Variants in SDK1 observed in about 807,000 individuals in gnomAD.
The protein encoded by SDK1 is sidekick cell adhesion molecule 1.
SDK1 carries 157 observed loss-of-function variants against 245.5 expected under a neutral mutation model. That is an observed-to-expected ratio of 0.64 (90% confidence interval 0.56 to 0.73). The LOEUF (loss-of-function observed/expected upper bound fraction) is 0.73. SDK1 is among the 30% of genes least tolerant of loss of function. SDK1 has a pLI of 0.00. For missense variants in SDK1, 3,583 were observed against 3,002.3 expected, an observed-to-expected ratio of 1.19 and a Z score of -4.52; for synonymous variants, 1,647 against 1,278.5, an observed-to-expected ratio of 1.29 and a Z score of -6.15.
intron 4 of SDK1, among the ~76,000 whole-genome samples, chr7:3,645,173 C>A (rs1782790659): frequency 1.3e-5 from 2 of 152,144 alleles, no homozygotes; most frequent in African/African-American, 4.8e-5. Context: ...CAAATACATG[C>A]TAAAGCCTGT....
At chr7:3,531,084 G>C (rs1026282420) in intron 1 of SDK1, among the ~76,000 whole-genome samples, 3 of 152,148 alleles carry the variant, frequency 2.0e-5, no homozygotes, top group African/African-American at 7.2e-5. Flanking sequence ...TCATTTAAGA[G>C]TCTAACAAGA....
At chr7:3,496,044 C>A (rs941017220) in intron 1 of SDK1, among the ~76,000 whole-genome samples, 4 of 152,162 alleles carry the variant, frequency 2.6e-5, no homozygotes, top group Admixed American at 1.3e-4. Context: ...TTAAGTGATA[C>A]ACTTTTTCCC....
At chr7:4,192,831 A>G (rs897922878) in intron 35 of SDK1, among the ~76,000 whole-genome samples, 4 of 150,094 alleles carry the variant, frequency 2.7e-5, no homozygotes, top group African/African-American at 9.8e-5. Context: ...CCAAACATCC[A>G]CCTCCTCCCC....
intron 5 of SDK1, among the ~76,000 whole-genome samples, chr7:3,916,893 G>A (rs1227322090): frequency 1.3e-5 from 2 of 152,146 alleles, no homozygotes; most frequent in Non-Finnish European, 2.9e-5. Flanking sequence ...GAGGACTTTA[G>A]CTTATATAGC....
intron 30 of SDK1, among the ~76,000 whole-genome samples, chr7:4,151,366 C>A (rs574883003): frequency 6.6e-6 from 1 of 152,208 alleles, no homozygotes. Context: ...ATGGTCCCTG[C>A]GCACGGGGCT....
chr7:3,952,168 T>A (rs1780887812), intron 7 of SDK1: 1 of 510,086 alleles, frequency 2.0e-6, no homozygotes, highest in African/African-American at 2.0e-5. Flanking sequence ...GTCACAAAGC[T>A]CGGGAAATAG....
chr7:3,396,637 C>G (rs1180734397), intron 1 of SDK1, among the ~76,000 whole-genome samples: 1 of 151,492 alleles, frequency 6.6e-6, no homozygotes, highest in African/African-American at 2.4e-5. Flanking sequence ...CAATTTTTGT[C>G]TTTAAATTCA....
intron 35 of SDK1, among the ~76,000 whole-genome samples, chr7:4,180,075 G>A (rs2128219506): frequency 6.6e-6 from 1 of 152,238 alleles, no homozygotes; most frequent in Middle Eastern, 3.4e-3. Flanking sequence ...AAGCGGTAGG[G>A]AAGCCAGGGG....
At chr7:3,462,489 T>C (rs1252391528) in intron 1 of SDK1, among the ~76,000 whole-genome samples, 1 of 152,198 alleles carries the variant, frequency 6.6e-6, no homozygotes, top group African/African-American at 2.4e-5. Flanking sequence ...AATTGTCCTT[T>C]TATGTAATAT....
chr7:4,241,645 C>G, intron 42 of SDK1, 148 bp from the exon 43 acceptor site: 1 of 880,284 alleles, frequency 1.1e-6, no homozygotes, highest in Non-Finnish European at 1.7e-6. Context: ...CCAGCTCAGC[C>G]CTAAGCACAG....
At chr7:4,052,664 C>T (rs373270449) in intron 19 of SDK1, among the ~76,000 whole-genome samples, 10 of 152,098 alleles carry the variant, frequency 6.6e-5, no homozygotes, top group South Asian at 2.1e-4. Flanking sequence ...GGAAGAAATA[C>T]GTCACACAAA....
chr7:4,005,440 A>G (rs1162110405), intron 14 of SDK1, among the ~76,000 whole-genome samples: 1 of 114,878 alleles, frequency 8.7e-6, no homozygotes, highest in Non-Finnish European at 1.8e-5. Flanking sequence ...GTGTGTGTTA[A>G]TACTTCTTGG....
At chr7:3,742,002 A>ATATATATG (rs1554256855) in intron 4 of SDK1, among the ~76,000 whole-genome samples, 1 of 147,706 alleles carries the variant, frequency 6.8e-6, no homozygotes, top group Non-Finnish European at 1.5e-5. Flanking sequence ...ATATATATAT[A>ATATATATG]TATATATATA....
chr7:4,116,295 C>G (rs1783705482), intron 25 of SDK1, among the ~76,000 whole-genome samples: 1 of 152,172 alleles, frequency 6.6e-6, no homozygotes, highest in Non-Finnish European at 1.5e-5. Flanking sequence ...GCAATGGGTG[C>G]AGGTATTCCC....
chr7:3,659,583 G>C (rs572531068), intron 4 of SDK1, among the ~76,000 whole-genome samples: 4 of 152,134 alleles, frequency 2.6e-5, no homozygotes, highest in African/African-American at 9.7e-5. Context: ...AAGTGACGTC[G>C]GCAGGGACTA....
chr7:4,074,853 A>ACTTTCTCTCTCT (rs1447269855), intron 20 of SDK1, among the ~76,000 whole-genome samples: 3 of 60,478 alleles, frequency 5.0e-5, no homozygotes, highest in African/African-American at 3.3e-4. Context: ...ACAGAGCAAG[A>ACTTTCTCTCTCT]CTTTCTCTCT....
chr7:3,882,748 C>G (rs1250436240), intron 5 of SDK1, among the ~76,000 whole-genome samples: 1 of 151,892 alleles, frequency 6.6e-6, no homozygotes, highest in African/African-American at 2.4e-5. Context: ...TAAAAGCCAA[C>G]TTGGCAGGGT....
intron 8 of SDK1, among the ~76,000 whole-genome samples, chr7:3,960,914 G>T (rs1781625452): frequency 1.3e-5 from 2 of 152,212 alleles, no homozygotes; most frequent in South Asian, 4.1e-4. Context: ...AGAAATAAGA[G>T]TATACAATAC....
At chr7:3,660,099 G>A (rs1191351520) in intron 4 of SDK1, among the ~76,000 whole-genome samples, 1 of 152,118 alleles carries the variant, frequency 6.6e-6, no homozygotes, top group Non-Finnish European at 1.5e-5. Context: ...GAATATTGGG[G>A]ACAATTTGTA....
Sources: gnomAD v4.1 joint callset for allele counts (sites outside exome capture counted in the v4.1 genomes callset) on GRCh38, gnomAD v4.1.1 for gene constraint, MANE v1.5 for transcripts, NCBI Gene and HGNC (gene_info 2026-07-23, HGNC 2026-07-21) for gene names.